FANCL: variants seen among roughly 807,000 people sequenced by gnomAD.
FANCL encodes the protein FA complementation group L.
A neutral mutation model predicts 59.4 loss-of-function variants in FANCL; 69 were observed. That is an observed-to-expected ratio of 1.16 (90% CI 0.96 to 1.42). The LOEUF (loss-of-function observed/expected upper bound fraction) is 1.42, where lower values mean the gene tolerates loss of function less well. Ranked by LOEUF, FANCL falls within the 40% of genes most tolerant of loss-of-function variation. The pLI is 0.00. For missense variants in FANCL, 519 were observed against 447.2 expected, an observed-to-expected ratio of 1.16 and a Z score of -1.45; for synonymous variants, 180 against 147.1, an observed-to-expected ratio of 1.22 and a Z score of -1.62.
chr2:58,180,844 A>C (rs989892252), intron 7 of FANCL, among the ~76,000 whole-genome samples: 30 of 152,066 alleles, frequency 2.0e-4, no homozygotes, highest in African/African-American at 7.2e-4. Flanking sequence ...TGTGCAAAGT[A>C]ATCAAAAAAG....
intron 7 of FANCL, among the ~76,000 whole-genome samples, chr2:58,178,407 G>C (rs1371992484): frequency 6.6e-6 from 1 of 152,078 alleles, no homozygotes; most frequent in East Asian, 1.9e-4. Context: ...TTCAACCCTA[G>C]GATTCAAGGC....
At chr2:58,238,256 A>G (rs552115090) in intron 1 of FANCL, among the ~76,000 whole-genome samples, 16 of 152,346 alleles carry the variant, frequency 1.1e-4, no homozygotes, top group African/African-American at 3.4e-4. Context: ...GGAAGCCAAA[A>G]GATTGGACAC....
chr2:58,182,204 G>A (rs1043097053), intron 7 of FANCL, among the ~76,000 whole-genome samples: 5 of 151,664 alleles, frequency 3.3e-5, no homozygotes, highest in African/African-American at 9.7e-5. Context: ...AATGAAAATC[G>A]TACTGGAATC....
intron 7 of FANCL, among the ~76,000 whole-genome samples, chr2:58,193,962 A>G (rs1437144274): frequency 6.6e-6 from 1 of 152,110 alleles, no homozygotes; most frequent in East Asian, 1.9e-4. Context: ...ATGCTAGTAT[A>G]CTGCTCTAAC....
intron 7 of FANCL, among the ~76,000 whole-genome samples, chr2:58,169,397 A>G (rs917300371): frequency 6.6e-6 from 1 of 152,204 alleles, no homozygotes; most frequent in Non-Finnish European, 1.5e-5. Context: ...ACCCCATATG[A>G]AAGTCAACAA....
chr2:58,180,864 CTT>C (rs990517531), intron 7 of FANCL, among the ~76,000 whole-genome samples: 3 of 151,532 alleles, frequency 2.0e-5, no homozygotes, highest in African/African-American at 7.3e-5. Flanking sequence ...GAAATCGAAA[CTT>C]TTCAGAAAAA....
intron 6 of FANCL, 126 bp from the exon 7 acceptor site, chr2:58,198,788 G>C (rs1387207709): frequency 4.3e-6 from 3 of 691,796 alleles, no homozygotes; most frequent in Non-Finnish European, 7.8e-6. Context: ...CCAGCACTTT[G>C]GGAGGCCGAG....
chr2:58,188,244 T>A (rs1377522701), intron 7 of FANCL, among the ~76,000 whole-genome samples: 1 of 152,178 alleles, frequency 6.6e-6, no homozygotes, highest in Non-Finnish European at 1.5e-5. Flanking sequence ...CTGAATTATC[T>A]ATTCCAGTGA....
intron 4 of FANCL, among the ~76,000 whole-genome samples, chr2:58,222,655 G>T (rs1485835505): frequency 6.6e-6 from 1 of 151,908 alleles, no homozygotes; most frequent in South Asian, 2.1e-4. Flanking sequence ...AAATGTTTAT[G>T]TTCTCCCAAC....
At position 58,227,259 on chromosome 2, in the gene FANCL, T is replaced by C. The variant is rs140705196; in HGVS notation, c.217-475A>G. 5.9e-5 allele frequency among the ~76,000 whole-genome samples: 9 copies of C among 152,332 alleles called. No individual in the cohort carries two copies. In the East Asian group the frequency reaches 1.5e-3, roughly 26 times the overall value. ...GGGTGTGTGTTACAAGGTGCTTTTT[T>C]AGTTTAGCCATCCATAGGCAGCTTG... On this transcript the variant is annotated intron_variant, in intron 3 of 13. Coordinates refer to ENST00000233741, the MANE Select transcript of FANCL (RefSeq NM_018062.4).
chr2:58,213,299 T>C (rs974697238), intron 5 of FANCL, among the ~76,000 whole-genome samples: 4 of 152,338 alleles, frequency 2.6e-5, no homozygotes, highest in Non-Finnish European at 5.9e-5. Context: ...AATTCTAGTA[T>C]GTGGACAGCA....
At chr2:58,179,403 C>A (rs1271219842) in intron 7 of FANCL, among the ~76,000 whole-genome samples, 1 of 152,104 alleles carries the variant, frequency 6.6e-6, no homozygotes, top group Non-Finnish European at 1.5e-5. Flanking sequence ...ACCAATGGAA[C>A]AAAACAGAGG....
chr2:58,173,966 A>G (rs184803941), intron 7 of FANCL, among the ~76,000 whole-genome samples: 7,933 of 152,116 alleles, frequency 0.052, 297 homozygotes, highest in African/African-American at 0.097. Flanking sequence ...TGGAAAACAA[A>G]AAAAGGCAGG....
chr2:58,189,738 T>C (rs1688742819), intron 7 of FANCL, among the ~76,000 whole-genome samples: 1 of 152,090 alleles, frequency 6.6e-6, no homozygotes, highest in Non-Finnish European at 1.5e-5. Flanking sequence ...TAGAGTATAA[T>C]ATCTTCATCT....
At chr2:58,174,246 A>C (rs1166705781) in intron 7 of FANCL, among the ~76,000 whole-genome samples, 1 of 152,212 alleles carries the variant, frequency 6.6e-6, no homozygotes, top group African/African-American at 2.4e-5. Context: ...GAAAGTTAAC[A>C]AGGATACCCA....
intron 7 of FANCL, among the ~76,000 whole-genome samples, chr2:58,180,884 G>A (rs1038715376): frequency 2.0e-5 from 3 of 151,860 alleles, no homozygotes; most frequent in Non-Finnish European, 4.4e-5. Flanking sequence ...AAAAAAGTGA[G>A]AGTACTAATA....
intron 7 of FANCL, among the ~76,000 whole-genome samples, chr2:58,187,167 A>G (rs1042900306): frequency 6.6e-6 from 1 of 152,108 alleles, no homozygotes; most frequent in East Asian, 1.9e-4. Flanking sequence ...AACCAACCCA[A>G]ATGTCCATCA....
rs1693979734 is a variant in FANCL at position 58,235,974 on chromosome 2, A to G, written c.97-3862T>C. Among the ~76,000 whole-genome samples the G allele has an allele frequency of 2.0e-5, 3 of 151,724 alleles. No homozygotes were observed. The South Asian group carries it at 6.2e-4, about 32-fold the overall frequency. ...GGGAAAAAAAAATGAACAGACCATG[A>G]GTGAGTTGTGACAACTTAAAGTGAC... On this transcript the variant is annotated intron_variant, in intron 1 of 13. Transcript: ENST00000233741.
intron 2 of FANCL, among the ~76,000 whole-genome samples, chr2:58,231,078 G>C (rs1693535379): frequency 6.6e-6 from 1 of 152,016 alleles, no homozygotes; most frequent in Admixed American, 6.5e-5. Context: ...CTCTTTATTT[G>C]GCTTGAAAGA....
Sources: gnomAD v4.1 joint callset for allele counts (sites outside exome capture counted in the v4.1 genomes callset) on GRCh38, gnomAD v4.1.1 for gene constraint, MANE v1.5 for transcripts, NCBI Gene and HGNC (gene_info 2026-07-23, HGNC 2026-07-21) for gene names.